TNFRSF10A: variants seen among roughly 807,000 people sequenced by gnomAD.
TNFRSF10A encodes tumor necrosis factor receptor superfamily member 10A.
Under a neutral mutation model 42.8 loss-of-function variants are expected in TNFRSF10A, and 44 were observed. The ratio of observed to expected loss-of-function variants is 1.03; its 90% CI spans 0.81 to 1.32. TNFRSF10A has a LOEUF of 1.32. TNFRSF10A is among the 40% of genes most tolerant of loss of function. The pLI, the probability that TNFRSF10A is intolerant of heterozygous loss-of-function variation, is 0.00. For synonymous variants in TNFRSF10A, 259 were observed against 234.2 expected, an observed-to-expected ratio of 1.11 and a Z score of -0.97; for missense variants, 680 against 602.0, an observed-to-expected ratio of 1.13 and a Z score of -1.36.
At chr8:23,223,612 T>C (rs189086683) in intron 1 of TNFRSF10A, among the ~76,000 whole-genome samples, 1 of 152,396 alleles carries the variant, frequency 6.6e-6, no homozygotes, top group African/African-American at 2.4e-5. Flanking sequence ...ATTGGATTCC[T>C]GGATTTTGTT....
Position 23,212,175 on chromosome 8 carries a change from T to A in TNFRSF10A, c.344A>T (p.Asp115Val), listed in dbSNP as rs768480167. The A allele has an allele frequency of 1.2e-6, 2 of 1,613,854 alleles. No homozygotes were observed. Among genetic ancestry groups the A allele is most frequent in the Non-Finnish European group, 8.5e-7 (1 of 1,179,816 alleles). ...PSSAATIKLHDQSIGTQQWEH... is the reference protein window; with the variant it reads ...PSSAATIKLHVQSIGTQQWEH... Reference sequence around the variant, plus strand: ...CCATTGCTGTGTGCCAATTGATTGATCATGAAGTTTGATGGTTGCAGCTGA... The same window carrying A: ...CCATTGCTGTGTGCCAATTGATTGAACATGAAGTTTGATGGTTGCAGCTGA... Residue 115 changes from aspartate to valine, a missense_variant, in exon 2 of 10, where the codon GAT (aspartate) becomes GTT (valine). Coordinates refer to ENST00000221132, the MANE Select transcript of TNFRSF10A (RefSeq NM_003844.4).
intron 2 of TNFRSF10A, among the ~76,000 whole-genome samples, chr8:23,210,084 A>G (rs1801072222): frequency 6.6e-6 from 1 of 152,296 alleles, no homozygotes; most frequent in Admixed American, 6.5e-5. Context: ...GTTTTCCTGT[A>G]CAAGCTCTTT....
intron 1 of TNFRSF10A, 89 bp from the exon 2 acceptor site, chr8:23,212,301 C>A: frequency 9.2e-7 from 1 of 1,092,240 alleles, no homozygotes; most frequent in Non-Finnish European, 1.4e-6. Context: ...CCCAAGCCTC[C>A]AAAATTAGAC....
At chr8:23,203,458 T>G (rs991233879) in intron 2 of TNFRSF10A, among the ~76,000 whole-genome samples, 7 of 152,186 alleles carry the variant, frequency 4.6e-5, no homozygotes. Flanking sequence ...CATGCTGCCC[T>G]GGATTGCAGA....
At chr8:23,209,957 A>C (rs1029931558) in intron 2 of TNFRSF10A, among the ~76,000 whole-genome samples, 1 of 152,186 alleles carries the variant, frequency 6.6e-6, no homozygotes, top group Non-Finnish European at 1.5e-5. Context: ...TTGAATTCCC[A>C]CATGTTGTGG....
chr8:23,202,816 C>T (rs953498190), intron 2 of TNFRSF10A, 55 bp from the exon 3 acceptor site: 5 of 1,277,514 alleles, frequency 3.9e-6, no homozygotes, highest in Non-Finnish European at 5.7e-6. Context: ...CCCAGAGGAT[C>T]GTGGCGGTGG....
chr8:23,204,571 A>C (rs537208232), intron 2 of TNFRSF10A, among the ~76,000 whole-genome samples: 1 of 152,340 alleles, frequency 6.6e-6, no homozygotes, highest in East Asian at 1.9e-4. Context: ...GATGTCTATA[A>C]AACACTCTAC....
chr8:23,208,726 G>T (rs997404789), intron 2 of TNFRSF10A, among the ~76,000 whole-genome samples: 1 of 152,138 alleles, frequency 6.6e-6, no homozygotes, highest in Non-Finnish European at 1.5e-5. Flanking sequence ...AAAGTGCTGG[G>T]ATTACACGCA....
intron 1 of TNFRSF10A, among the ~76,000 whole-genome samples, chr8:23,223,345 G>A (rs1801283631): frequency 6.6e-6 from 1 of 152,220 alleles, no homozygotes; most frequent in South Asian, 2.1e-4. Flanking sequence ...GATTACAGGC[G>A]TGAGCCACCG....
intron 1 of TNFRSF10A, among the ~76,000 whole-genome samples, chr8:23,214,411 C>A (rs1801145702): frequency 6.6e-6 from 1 of 151,378 alleles, no homozygotes; most frequent in Non-Finnish European, 1.5e-5. Context: ...TGGCGTGAAC[C>A]TGAGAGACGG....
chr8:23,213,181 C>A (rs553863878), intron 1 of TNFRSF10A, among the ~76,000 whole-genome samples: 49 of 152,150 alleles, frequency 3.2e-4, no homozygotes, highest in Non-Finnish European at 4.7e-4. Context: ...TGTTGACATG[C>A]AATTATTTAT....
chr8:23,223,055 A>G (rs1376170480), intron 1 of TNFRSF10A, among the ~76,000 whole-genome samples: 1 of 152,006 alleles, frequency 6.6e-6, no homozygotes, highest in Non-Finnish European at 1.5e-5. Flanking sequence ...TCCAGCGTCA[A>G]GTTTTCTTTT....
intron 6 of TNFRSF10A, 87 bp from the exon 7 acceptor site, chr8:23,200,004 T>TGGGGTGGGCG: frequency 8.5e-7 from 1 of 1,173,370 alleles, no homozygotes; most frequent in Non-Finnish European, 1.3e-6. Context: ...AGGGGTGGGC[T>TGGGGTGGGCG]GGGGGCTGGG....
intron 9 of TNFRSF10A, among the ~76,000 whole-genome samples, chr8:23,195,313 T>C (rs1800807384): frequency 6.6e-6 from 1 of 152,226 alleles, no homozygotes; most frequent in African/African-American, 2.4e-5. Context: ...CTGATTCTTT[T>C]GGTTTTGTTT....
At chr8:23,205,973 C>T (rs1441659271) in intron 2 of TNFRSF10A, among the ~76,000 whole-genome samples, 1 of 152,022 alleles carries the variant, frequency 6.6e-6, no homozygotes, top group African/African-American at 2.4e-5. Flanking sequence ...GCCTTGGCCT[C>T]CCAAAGTGCT....
chr8:23,217,692 A>T (rs1445119928), intron 1 of TNFRSF10A, among the ~76,000 whole-genome samples: 1 of 152,206 alleles, frequency 6.6e-6, no homozygotes, highest in African/African-American at 2.4e-5. Flanking sequence ...AGGACGTCAC[A>T]TCTGCATTGG....
chr8:23,207,610 G>A lies in TNFRSF10A; in HGVS notation c.403+4506C>T, dbSNP rs544564980. 1.3e-3 allele frequency among the ~76,000 whole-genome samples: 198 copies of A among 152,274 alleles called. 2 individuals are homozygous for A. The highest frequency in any genetic ancestry group is 0.013 in the South Asian group (62 of 4,816). On this transcript the variant is annotated intron_variant, in intron 2 of 9. Transcript: ENST00000221132. ...CACACAAATCTCATCTTGAATTCCC[G>A]TAAGTTGTGGGAGGGATCCAATGGG...
chr8:23,211,175 A>C (rs1327756870), intron 2 of TNFRSF10A, among the ~76,000 whole-genome samples: 1 of 152,230 alleles, frequency 6.6e-6, no homozygotes, highest in Non-Finnish European at 1.5e-5. Flanking sequence ...GCCATTATAA[A>C]AACATTAAGA....
At chr8:23,207,873 T>C (rs921603398) in intron 2 of TNFRSF10A, among the ~76,000 whole-genome samples, 5 of 149,434 alleles carry the variant, frequency 3.3e-5, no homozygotes, top group Non-Finnish European at 7.4e-5. Flanking sequence ...AATTGCCCAG[T>C]CTTGGGAATG....
Sources: gnomAD v4.1 joint callset for allele counts (sites outside exome capture counted in the v4.1 genomes callset) on GRCh38, gnomAD v4.1.1 for gene constraint, MANE v1.5 for transcripts, NCBI Gene and HGNC (gene_info 2026-07-23, HGNC 2026-07-21) for gene names.